NPHS2: variants seen among roughly 807,000 people sequenced by gnomAD.
The protein encoded by NPHS2 is NPHS2 stomatin family member, podocin.
Under a neutral mutation model 37.1 loss-of-function variants are expected in NPHS2, and 36 were observed. That is an observed-to-expected ratio of 0.97 (90% CI 0.74 to 1.28). The LOEUF is 1.28. Ranked by LOEUF, NPHS2 falls within the 50% of genes most tolerant of loss-of-function variation. The pLI, the probability that NPHS2 is intolerant of heterozygous loss-of-function variation, is 0.00. For synonymous variants in NPHS2, 196 were observed against 189.3 expected, an observed-to-expected ratio of 1.04 and a Z score of -0.29; for missense variants, 447 against 488.1, an observed-to-expected ratio of 0.92 and a Z score of 0.79.
At chr1:179,552,582 G>T in intron 7 of NPHS2, 21 bp downstream of exon 7, 1 of 1,605,784 alleles carries the variant, frequency 6.2e-7, no homozygotes, top group Non-Finnish European at 8.5e-7. Context: ...GGCAGTCTGG[G>T]TGGGAGGATG....
chr1:179,564,544 A>G, intron 2 of NPHS2, 146 bp downstream of exon 2: 1 of 743,596 alleles, frequency 1.3e-6, no homozygotes, highest in Non-Finnish European at 2.4e-6. Context: ...GTCTTGGAGG[A>G]GTAAGCTATC....
At chr1:179,557,333 G>GA (rs1673974866) in intron 4 of NPHS2, 103 bp from the exon 5 acceptor site, 19 of 890,610 alleles carry the variant, frequency 2.1e-5, no homozygotes, top group Non-Finnish European at 2.9e-5. Flanking sequence ...CTCCGCAAGA[G>GA]AAAAATGGAG....
chr1:179,570,979 G>T (rs1405795573), intron 1 of NPHS2, among the ~76,000 whole-genome samples: 2 of 152,098 alleles, frequency 1.3e-5, no homozygotes, highest in Non-Finnish European at 2.9e-5. Context: ...TTTTTTAAAG[G>T]TTTTAAGCTT....
chr1:179,552,833 A>G, intron 6 of NPHS2, 152 bp from the exon 7 acceptor site: 4 of 690,430 alleles, frequency 5.8e-6, no homozygotes, highest in Non-Finnish European at 1.1e-5. Context: ...TTCTGAGGTC[A>G]AAAGTAGGCA....
rs1299577649 is a variant in NPHS2, at chr1:179,571,831, C to T, written c.274+3760G>A. ...CTCGCAGATCAATCTCAGACTGCTGCGCTAGCAGTGAGCAAGGCTCCTTGG... is the reference window on the plus strand; with the variant it reads ...CTCGCAGATCAATCTCAGACTGCTGTGCTAGCAGTGAGCAAGGCTCCTTGG... On this transcript the variant is annotated intron_variant, in intron 1 of 7. Transcript: ENST00000367615. Among the ~76,000 whole-genome samples the T allele has an allele frequency of 3.9e-5, 6 of 152,204 alleles. No homozygotes were observed. The East Asian group carries it at 7.7e-4, about 20-fold the overall frequency.
chr1:179,563,163 G>A (rs11590702), intron 2 of NPHS2, among the ~76,000 whole-genome samples: 30,864 of 152,150 alleles, frequency 0.2, 3,808 homozygotes, highest in Non-Finnish European at 0.27. Context: ...AAAGTAGAGC[G>A]GGAATGGCTA....
chr1:179,554,594 C>A (rs1035448936), intron 5 of NPHS2, 63 bp from the exon 6 acceptor site: 41 of 1,606,272 alleles, frequency 2.6e-5, no homozygotes, highest in Non-Finnish European at 3.4e-5. Context: ...CATGCCTAAA[C>A]CCTGGTGGCC....
At chr1:179,552,345 C>T (rs747050106) in intron 7 of NPHS2, 20 of 547,856 alleles carry the variant, frequency 3.7e-5, no homozygotes, top group Non-Finnish European at 6.0e-5. Flanking sequence ...GGAGGAGATG[C>T]CTTTAAGGAG....
chr1:179,563,909 A>G (rs1451443534), intron 2 of NPHS2, among the ~76,000 whole-genome samples: 1 of 152,190 alleles, frequency 6.6e-6, no homozygotes, highest in East Asian at 1.9e-4. Flanking sequence ...TGTTTCAGCC[A>G]AGGACACAGT....
chr1:179,556,944 T>C lies in NPHS2; in HGVS notation c.738+83A>G. The C allele has an allele frequency of 2.3e-6, 3 of 1,322,350 alleles. No homozygotes were observed. Among genetic ancestry groups the C allele is most frequent in the South Asian group, 1.3e-5 (1 of 79,110 alleles). The allele number at this position is 1,322,350 out of a possible 1,614,324, so 81.9% of individuals were successfully genotyped here. A position where few individuals can be genotyped will look rare whatever the true frequency, so the allele number is the denominator to read the frequency against. On this transcript the variant is annotated intron_variant, in intron 5 of 7. Coordinates refer to ENST00000367615, the MANE Select transcript of NPHS2 (RefSeq NM_014625.4). The surrounding 1 kb of genome is among the most constrained non-coding windows in gnomAD (Gnocchi z 4.1). ...GGCCCCTAAGGGATGGAACTGGCCATAGAAGATTTAATAAATGTCCAATGA... is the reference window on the plus strand; with the variant it reads ...GGCCCCTAAGGGATGGAACTGGCCACAGAAGATTTAATAAATGTCCAATGA...
chr1:179,572,485 G>T (rs570938053), intron 1 of NPHS2, among the ~76,000 whole-genome samples: 2 of 152,160 alleles, frequency 1.3e-5, no homozygotes, highest in Non-Finnish European at 2.9e-5. Flanking sequence ...AAGCTTCTTG[G>T]GGTCTTGTCT....
Position 179,552,604 on chromosome 1 carries a change from C to G in NPHS2, c.872G>C (p.Arg291Pro). ...EAEAQRQAKVRMIAAEAEKAA... is the reference protein window; with the variant it reads ...EAEAQRQAKVPMIAAEAEKAA... Reference sequence around the variant, plus strand: ...TGGGTGGGAGGATGGAGTGCTCACCCGCACTTTGGCTTGTCTTTGCGCTTC... The same window carrying G: ...TGGGTGGGAGGATGGAGTGCTCACCGGCACTTTGGCTTGTCTTTGCGCTTC... Residue 291 changes from arginine to proline, a missense_variant and splice_region_variant, in exon 7 of 8, where the codon CGG (arginine) becomes CCG (proline). Coordinates refer to ENST00000367615, the MANE Select transcript of NPHS2 (RefSeq NM_014625.4). 1.2e-6 allele frequency: 2 copies of G among 1,612,708 alleles called. No individual in the cohort carries two copies. Among genetic ancestry groups the G allele is most frequent in the Non-Finnish European group, 1.7e-6 (2 of 1,179,048 alleles).
Position 179,557,238 on chromosome 1 carries a change from G to A in NPHS2, c.535-8C>T. 1 of 1,613,264 alleles carries A rather than the reference G, an allele frequency of 6.2e-7. No homozygotes were observed. The highest frequency in any genetic ancestry group is 8.5e-7 in the Non-Finnish European group (1 of 1,179,350). On this transcript the variant is annotated splice_polypyrimidine_tract_variant and splice_region_variant and intron_variant, in intron 4 of 7. Transcript: ENST00000367615. ...CATGTCTTTGGTCACGATCTAGGCA[G>A]AAAAAAGTTTGGATGACAGGCTTGA...
Position 179,561,224 on chromosome 1 carries a change from G to GGGTTGTAA in NPHS2, c.451+64_451+65insTTACAACC, listed in dbSNP as rs1674122807. 2.7e-6 allele frequency: 3 copies of GGGTTGTAA among 1,102,338 alleles called. No individual in the cohort carries two copies. The Admixed American group carries it at 5.1e-5, about 19-fold the overall frequency. 68.3% of individuals were successfully genotyped at this position (1,102,338 alleles called of 1,614,324 possible). A position where few individuals can be genotyped will look rare whatever the true frequency, so the allele number is the denominator to read the frequency against. ...AATCTGAGGTCCATATTACAAATCT[G>GGGTTGTAA]CATGGGTTGAAGAAATTGGCAAGTC... On this transcript the variant is annotated intron_variant, in intron 3 of 7. Coordinates refer to ENST00000367615, the MANE Select transcript of NPHS2 (RefSeq NM_014625.4).
chr1:179,551,356 G>A lies in NPHS2; in HGVS notation c.969C>T (p.Tyr323=). 4 of 1,614,144 alleles carry A rather than the reference G, an allele frequency of 2.5e-6. No individual in the cohort carries two copies. The highest frequency in any genetic ancestry group is 3.4e-6 in the Non-Finnish European group (4 of 1,180,008). Reference sequence around the variant, plus strand: ...TGGACAGAGACTGAAGGGTGTGGAGGTATCGAAGCTGAACGGCAGCAGGGG... The same window carrying A: ...TGGACAGAGACTGAAGGGTGTGGAGATATCGAAGCTGAACGGCAGCAGGGG... ...SGTPAAVQLR[Y]LHTLQSLSTE... Residue 323 remains tyrosine (Y), a synonymous_variant, in exon 8 of 8, where the codon TAC becomes TAT. Coordinates refer to ENST00000367615, the MANE Select transcript of NPHS2 (RefSeq NM_014625.4).
chr1:179,562,095 C>T (rs1251051889), intron 2 of NPHS2, among the ~76,000 whole-genome samples: 2 of 152,188 alleles, frequency 1.3e-5, no homozygotes, highest in Non-Finnish European at 2.9e-5. Context: ...GCGTGAGCCA[C>T]CGTGGCCAGC....
At chr1:179,565,993 G>A (rs1386090831) in intron 1 of NPHS2, among the ~76,000 whole-genome samples, 2 of 152,078 alleles carry the variant, frequency 1.3e-5, no homozygotes, top group East Asian at 3.9e-4. Flanking sequence ...TGGGTTCCAA[G>A]TCTTTGCTCT....
chr1:179,564,628 G>A (rs1377197731), intron 2 of NPHS2, 62 bp downstream of exon 2: 3 of 1,319,372 alleles, frequency 2.3e-6, no homozygotes, highest in Admixed American at 3.4e-5. Flanking sequence ...AGTGAGAATG[G>A]GCATGGTGTG....
At position 179,561,096 on chromosome 1, in the gene NPHS2, T is replaced by C. The variant is rs144292137; in HGVS notation, c.451+193A>G. Among the ~76,000 whole-genome samples the C allele has an allele frequency of 1.6e-4, 25 of 152,344 alleles. No individual in the cohort carries two copies. In the East Asian group the frequency reaches 4.8e-3, roughly 29 times the overall value. On this transcript the variant is annotated intron_variant, in intron 3 of 7. Coordinates refer to ENST00000367615, the MANE Select transcript of NPHS2 (RefSeq NM_014625.4). ...GGCTCTCTGTACCAATTCTCTCTCT[T>C]GGCTACCTATGACCTAGTAGTAATA...
Sources: allele counts gnomAD v4.1 joint callset (sites outside exome capture counted in the v4.1 genomes callset), GRCh38; gene constraint gnomAD v4.1.1; non-coding constraint Gnocchi (gnomAD v3.1); transcripts MANE v1.5; gene names NCBI Gene and HGNC (gene_info 2026-07-23, HGNC 2026-07-21).